Variants in EIF4B observed in about 807,000 individuals in gnomAD.
EIF4B encodes the protein eukaryotic translation initiation factor 4B.
Under a neutral mutation model 79.3 loss-of-function variants are expected in EIF4B, and 8 were observed. That is an observed-to-expected ratio of 0.10 (90% CI 0.06 to 0.18). The LOEUF is 0.18. EIF4B is among the 10% of genes least tolerant of loss of function. The pLI is 1.00. For synonymous variants in EIF4B, 238 were observed against 274.7 expected (o/e 0.87, Z 1.32); for missense variants, 515 against 792.4 (o/e 0.65, Z 4.20).
At chr12:53,029,112 G>A (rs1349107710) in intron 8 of EIF4B, among the ~76,000 whole-genome samples, 2 of 99,116 alleles carry the variant, frequency 2.0e-5, no homozygotes, top group Non-Finnish European at 4.7e-5. Context: ...GCGACAGTGA[G>A]ACTGTCTCAA....
In EIF4B at chr12:53,028,128, G is replaced by A; in HGVS notation, c.919G>A (p.Asp307Asn). ...RYEDRYDRRD[D>N]RSWSSRDDYS... ...TGAAGACCGATATGACAGACGGGATGATCGGTCGTGGAGCTCCAGAGATGA... is the reference window on the plus strand; with the variant it reads ...TGAAGACCGATATGACAGACGGGATAATCGGTCGTGGAGCTCCAGAGATGA... The change falls in exon 8 of 15, where the codon GAT becomes AAT. Residue 307 changes from aspartate to asparagine, a missense_variant. Physicochemically the swap from Asp to Asn is conservative, Grantham distance 23. This residue lies in a region of EIF4B where 187 missense variants were observed against 256.5 expected (regional missense o/e 0.73). Transcript: ENST00000262056. The A allele has an allele frequency of 6.2e-7, 1 of 1,614,018 alleles. No homozygotes were observed. The highest frequency in any genetic ancestry group is 1.3e-5 in the African/African-American group (1 of 75,048).
chr12:53,030,410 A>ATTATTTTTTTTTT (rs1555153412), intron 8 of EIF4B, among the ~76,000 whole-genome samples: 1 of 34,196 alleles, frequency 2.9e-5, no homozygotes, highest in Non-Finnish European at 9.3e-5. Flanking sequence ...AAAAAATTAT[A>ATTATTTTTTTTTT]TTCTTTTTTT....
rs1430566832 is a variant in EIF4B, at chr12:53,040,563, G to C, written c.*340G>C. 1.7e-5 allele frequency: 3 copies of C among 174,888 alleles called. No homozygotes were observed. The highest frequency in any genetic ancestry group is 3.0e-4 in the East Asian group (2 of 6,578). 10.8% of individuals were successfully genotyped at this position (174,888 alleles called of 1,614,324 possible). ...GGTAATGACAGTGATATAATGCCTG[G>C]AACCTGGTTGGGCAGTAGGGGAGGG... On this transcript the variant is annotated 3_prime_UTR_variant, in exon 15 of 15. Transcript: ENST00000262056.
At chr12:53,017,426 G>A (rs1243651743) in intron 2 of EIF4B, among the ~76,000 whole-genome samples, 4 of 152,080 alleles carry the variant, frequency 2.6e-5, no homozygotes, top group African/African-American at 9.7e-5. Context: ...ATAAAGAAGA[G>A]TCAATTGGAC....
At chr12:53,037,891 G>T in intron 11 of EIF4B, 1 of 471,916 alleles carries the variant, frequency 2.1e-6, no homozygotes. Context: ...CTTCCCTTTT[G>T]CCACATATTG....
intron 1 of EIF4B, among the ~76,000 whole-genome samples, chr12:53,014,133 A>AG (rs1943110498): frequency 6.6e-6 from 1 of 151,866 alleles, no homozygotes. Context: ...CTGCAAAAAA[A>AG]GAAAAAAGAA....
intron 8 of EIF4B, among the ~76,000 whole-genome samples, chr12:53,029,609 C>T (rs144439835): frequency 0.029 from 4,479 of 152,190 alleles, 100 homozygotes; most frequent in Non-Finnish European, 0.031. Flanking sequence ...CTCTTGACCT[C>T]GTGATCCGCC....
chr12:53,025,452 G>C (rs760271270), intron 6 of EIF4B: 1 of 324,002 alleles, frequency 3.1e-6, no homozygotes, highest in Non-Finnish European at 6.0e-6. Context: ...AGAGAACCCC[G>C]AGGGGTGTTG....
chr12:53,019,855 A>G, intron 3 of EIF4B, 55 bp from the exon 4 acceptor site: 1 of 1,559,470 alleles, frequency 6.4e-7, no homozygotes, highest in Non-Finnish European at 8.8e-7. Context: ...CTCTCAAAAA[A>G]TGACAAATGA....
rs1943364502 is a variant in EIF4B at position 53,027,862 on chromosome 12, G to A, written c.748G>A (p.Asp250Asn). Reference sequence around the variant, plus strand: ...TCGGGATGGCCCACGCCGGGATATGGATCGATATGGTGGCCGGGATCGCTA... The same window carrying A: ...TCGGGATGGCCCACGCCGGGATATGAATCGATATGGTGGCCGGGATCGCTA... ...GYRDGPRRDM[D>N]RYGGRDRYDD... The change falls in exon 7 of 15, where the codon GAT (aspartate) becomes AAT (asparagine). Residue 250 changes from aspartate (D) to asparagine (N), a missense_variant. This residue lies in a region of EIF4B where 187 missense variants were observed against 256.5 expected (regional missense o/e 0.73). Transcript: ENST00000262056. 6.2e-7 allele frequency: 1 copy of A among 1,614,272 alleles called. No homozygotes were observed. The highest frequency in any genetic ancestry group is 8.5e-7 in the Non-Finnish European group (1 of 1,180,048).
chr12:53,029,372 AT>A (rs1240569005), intron 8 of EIF4B, among the ~76,000 whole-genome samples: 1,662 of 81,128 alleles, frequency 0.02, 19 homozygotes, highest in Middle Eastern at 0.13. Context: ...TCCTTTTTTT[AT>A]TTTATTTTTT....
chr12:53,019,544 TTAG>T (rs1319449121), intron 3 of EIF4B, among the ~76,000 whole-genome samples: 2 of 148,014 alleles, frequency 1.4e-5, no homozygotes, highest in African/African-American at 2.5e-5. Flanking sequence ...TTTTTTGTAT[TTAG>T]TAGAGATAGG....
intron 8 of EIF4B, among the ~76,000 whole-genome samples, chr12:53,030,675 G>C (rs966352329): frequency 2.0e-5 from 3 of 151,902 alleles, no homozygotes; most frequent in Non-Finnish European, 4.4e-5. Context: ...CTCCCAAAGT[G>C]CTGGGATTAC....
chr12:53,025,583 T>A (rs1417985082), intron 6 of EIF4B, among the ~76,000 whole-genome samples: 3 of 152,170 alleles, frequency 2.0e-5, no homozygotes, highest in Admixed American at 6.5e-5. Flanking sequence ...ATTACCCAAA[T>A]AAAATTAAGT....
chr12:53,037,911 TA>T, intron 11 of EIF4B: 2 of 423,316 alleles, frequency 4.7e-6, no homozygotes, highest in South Asian at 3.0e-5. Context: ...GGCAGTATGG[TA>T]GGGGGTAACT....
chr12:53,034,675 A>G lies in EIF4B; in HGVS notation c.1272A>G (p.Ser424=), dbSNP rs748629092. The G allele has an allele frequency of 1.9e-5, 31 of 1,614,046 alleles. No homozygotes were observed. Among genetic ancestry groups the G allele is most frequent in the Non-Finnish European group, 2.5e-5 (30 of 1,179,902 alleles). ...ERERSRTGSE[S]SQTGTSTTSS... ...AACGGTCGAGGACAGGAAGTGAGTC[A>G]TCACAAACTGGGACCTCCACCACAT... The change falls in exon 10 of 15, where the codon TCA becomes TCG. Residue 424 remains serine (S), a synonymous_variant. Transcript: ENST00000262056.
rs776662520 is a variant in EIF4B, at chr12:53,018,946, A to G, written c.300A>G (p.Leu100=). ...LPKSPPYTAF[L]GNLPYDVTEE... is the part of the protein sequence containing the mutation. Reference sequence around the variant, plus strand: ...AATCGCCACCCTACACTGCTTTTCTAGGAAACCTACCCTATGATGTTACAG... The same window carrying G: ...AATCGCCACCCTACACTGCTTTTCTGGGAAACCTACCCTATGATGTTACAG... Residue 100 remains leucine, a synonymous_variant, in exon 3 of 15, where the codon CTA becomes CTG. Coordinates refer to ENST00000262056, the MANE Select transcript of EIF4B (RefSeq NM_001417.7). 6 of 1,613,978 alleles carry G rather than the reference A, an allele frequency of 3.7e-6. No individual in the cohort carries two copies. In the African/African-American group the frequency reaches 4.0e-5, roughly 11 times the overall value.
chr12:53,034,956 C>CT (rs72498436), intron 10 of EIF4B, among the ~76,000 whole-genome samples: 1,736 of 90,108 alleles, frequency 0.019, 41 homozygotes, highest in African/African-American at 0.059. Context: ...TTGTCTCTCT[C>CT]TTTTTTTTTT....
intron 8 of EIF4B, among the ~76,000 whole-genome samples, chr12:53,031,025 T>C (rs2120961356): frequency 6.6e-6 from 1 of 152,150 alleles, no homozygotes; most frequent in Non-Finnish European, 1.5e-5. Context: ...AGATTTGCCC[T>C]CTTGTCTCTA....
Sources: allele counts gnomAD v4.1 joint callset (sites outside exome capture counted in the v4.1 genomes callset), GRCh38; gene constraint gnomAD v4.1.1; regional missense constraint gnomAD v4.1.1; transcripts MANE v1.5; gene names NCBI Gene and HGNC (gene_info 2026-07-23, HGNC 2026-07-21).